The following PTPN18 variants were observed in gnomAD, a reference collection of about 807,000 sequenced individuals.
The protein encoded by PTPN18 is tyrosine-protein phosphatase non-receptor type 18.
PTPN18 carries 65 observed loss-of-function variants against 65.4 expected under a neutral mutation model. That is an observed-to-expected ratio of 0.99 (90% CI 0.81 to 1.22). The LOEUF (loss-of-function observed/expected upper bound fraction) is 1.22, where lower values mean the gene tolerates loss of function less well. Ranked by LOEUF, PTPN18 falls within the 50% of genes most tolerant of loss-of-function variation. The pLI is 0.00. For synonymous variants in PTPN18, 255 were observed against 267.8 expected (o/e 0.95, Z 0.47); for missense variants, 616 against 646.5 (o/e 0.95, Z 0.51).
At chr2:130,368,997 C>T (rs1033018012) in intron 5 of PTPN18, 136 bp from the exon 6 acceptor site, 8 of 638,914 alleles carry the variant, frequency 1.3e-5, no homozygotes, top group South Asian at 2.1e-5. Context: ...TGTTGGCTGG[C>T]GTCTGTTATA....
chr2:130,362,403 TTTC>T (rs1400223408), intron 5 of PTPN18: 3 of 256,124 alleles, frequency 1.2e-5, no homozygotes, highest in South Asian at 3.5e-5. Flanking sequence ...TGTTTGTTCT[TTTC>T]TTCTTTTTTT....
intron 1 of PTPN18, chr2:130,356,536 C>T: frequency 2.0e-6 from 1 of 505,740 alleles, no homozygotes; most frequent in South Asian, 1.6e-5. Context: ...GCGGGCGGCC[C>T]TGCTGCGCTG....
chr2:130,364,152 T>A (rs1680312595), intron 5 of PTPN18, among the ~76,000 whole-genome samples: 1 of 152,202 alleles, frequency 6.6e-6, no homozygotes, highest in Non-Finnish European at 1.5e-5. Flanking sequence ...GGATTAACCA[T>A]TCCTACTGTC....
Position 130,356,220 on chromosome 2 carries a change from C to T in PTPN18, c.93+20C>T. ...TTCAGCGTGAGTGGCACACGGGGTC[C>T]GCGAGCGGCGCGCCCCGGCCCTGGC... is the stretch of plus-strand genomic sequence containing the variant. On this transcript the variant is annotated intron_variant, in intron 1 of 14. Coordinates refer to ENST00000175756, the MANE Select transcript of PTPN18 (RefSeq NM_014369.4). 3 of 1,308,546 alleles carry T rather than the reference C, an allele frequency of 2.3e-6. No homozygotes were observed. Among genetic ancestry groups the T allele is most frequent in the South Asian group, 2.1e-5 (1 of 47,634 alleles). 81.1% of individuals were successfully genotyped at this position (1,308,546 alleles called of 1,614,324 possible).
At position 130,372,910 on chromosome 2, in the gene PTPN18, C is replaced by T. The variant is rs141618410; in HGVS notation, c.1278C>T (p.Tyr426=). ...ADQSPAGSGA[Y]EDVAGGAQTG... ...AAAGTCCTGCCGGATCTGGCGCCTA[C>T]GAGGACGTGGCGGGTGGAGCTCAGA... The change falls in exon 14 of 15, where the codon TAC becomes TAT. Residue 426 remains tyrosine, a synonymous_variant. Coordinates refer to ENST00000175756, the MANE Select transcript of PTPN18 (RefSeq NM_014369.4). 6.8e-6 allele frequency: 11 copies of T among 1,614,086 alleles called. No individual in the cohort carries two copies. The African/African-American group carries it at 1.2e-4, about 18-fold the overall frequency.
chr2:130,367,410 A>G (rs981059791), intron 5 of PTPN18, among the ~76,000 whole-genome samples: 1 of 152,118 alleles, frequency 6.6e-6, no homozygotes, highest in Admixed American at 6.5e-5. Flanking sequence ...GTGGTGGCTC[A>G]TGCCTGTAAT....
intron 5 of PTPN18, among the ~76,000 whole-genome samples, chr2:130,360,597 G>A (rs1332769002): frequency 6.6e-6 from 1 of 152,110 alleles, no homozygotes; most frequent in Non-Finnish European, 1.5e-5. Flanking sequence ...TTAGAACACA[G>A]CCACACTCAT....
At chr2:130,362,912 C>T (rs1378206658) in intron 5 of PTPN18, among the ~76,000 whole-genome samples, 1 of 152,010 alleles carries the variant, frequency 6.6e-6, no homozygotes, top group Non-Finnish European at 1.5e-5. Context: ...CTCCGCCTCC[C>T]GGGTCCACGC....
chr2:130,357,214 A>G (rs1680002378), intron 1 of PTPN18, among the ~76,000 whole-genome samples: 1 of 152,208 alleles, frequency 6.6e-6, no homozygotes, highest in South Asian at 2.1e-4. Context: ...CATCTCAAAC[A>G]AAACAAAACC....
Position 130,373,353 on chromosome 2 carries a change from A to G in PTPN18, c.*129A>G, listed in dbSNP as rs1201178633. On this transcript the variant is annotated 3_prime_UTR_variant, in exon 15 of 15. Coordinates refer to ENST00000175756, the MANE Select transcript of PTPN18 (RefSeq NM_014369.4). The surrounding 1 kb of genome is among the most constrained non-coding windows in gnomAD (Gnocchi z 4.1). ...AAGTTAAAGTTTCTCAGGGTGGGAA[A>G]TGTGGGGGCTTTGCCCCAATGACTG... The G allele has an allele frequency of 3.0e-5, 30 of 1,008,966 alleles. No individual in the cohort carries two copies. Among genetic ancestry groups the G allele is most frequent in the Non-Finnish European group, 4.1e-5 (29 of 710,822 alleles). 62.5% of individuals were successfully genotyped at this position (1,008,966 alleles called of 1,614,324 possible).
chr2:130,359,153 G>C, intron 2 of PTPN18, 80 bp from the exon 3 acceptor site: 1 of 1,560,860 alleles, frequency 6.4e-7, no homozygotes, highest in Non-Finnish European at 8.8e-7. Context: ...TCCCCTGCTG[G>C]CTTTCAGCTA....
rs371617685 is a variant in PTPN18 at position 130,358,096 on chromosome 2, C to T, written c.94-771C>T. Among the ~76,000 whole-genome samples the T allele has an allele frequency of 5.8e-4, 88 of 152,232 alleles. 2 individuals are homozygous for T. The South Asian group carries it at 0.017, about 30-fold the overall frequency. ...GCCTCACATGCGGAAGGCTGGGTGG[C>T]GAGGGCACCCCTGCTCCCCAAGCCT... is the stretch of plus-strand genomic sequence containing the variant. On this transcript the variant is annotated intron_variant, in intron 1 of 14. Transcript: ENST00000175756.
chr2:130,368,908 G>T, intron 5 of PTPN18: 1 of 439,636 alleles, frequency 2.3e-6, no homozygotes, highest in Non-Finnish European at 4.1e-6. Context: ...TACAGTGGGA[G>T]GGTATCCTGG....
chr2:130,362,448 A>G (rs546956730), intron 5 of PTPN18: 3 of 238,456 alleles, frequency 1.3e-5, no homozygotes, highest in African/African-American at 2.4e-5. Flanking sequence ...TTATTAATCT[A>G]TTGCATAGTA....
chr2:130,362,104 G>A, intron 5 of PTPN18: 2 of 469,920 alleles, frequency 4.3e-6, no homozygotes, highest in South Asian at 1.5e-5. Context: ...GAGGAGTTGG[G>A]ACTACAGGCA....
chr2:130,372,302 C>G lies in PTPN18; in HGVS notation c.1059C>G (p.Thr353=). 1 of 1,545,728 alleles carries G rather than the reference C, an allele frequency of 6.5e-7. No homozygotes were observed. Among genetic ancestry groups the G allele is most frequent in the Non-Finnish European group, 8.6e-7 (1 of 1,157,332 alleles). The change falls in exon 13 of 15, where the codon ACC becomes ACG. Residue 353 remains threonine (T), a synonymous_variant. Transcript: ENST00000175756. ...CCCCGGGCCACGCCATGGCTGACAC[C>G]TACGCGGTGGTGCAGAAGCGCGGGG... The part of the protein sequence containing the change: ...PGSPGHAMAD[T]YAVVQKRGAP...
At chr2:130,367,050 ATTTTTTTT>A (rs57039741) in intron 5 of PTPN18, among the ~76,000 whole-genome samples, 252 of 104,204 alleles carry the variant, frequency 2.4e-3, no homozygotes, top group Non-Finnish European at 3.9e-3. Flanking sequence ...GCTAATTTTA[ATTTTTTTT>A]TTTTTTTTTT....
At chr2:130,359,330 AG>A in intron 3 of PTPN18, 21 bp downstream of exon 3, 1 of 1,614,130 alleles carries the variant, frequency 6.2e-7, no homozygotes, top group Non-Finnish European at 8.5e-7. Context: ...GGGTCACGGA[AG>A]GAGGTGGACT....
chr2:130,356,757 C>T (rs1010893663), intron 1 of PTPN18: 2 of 400,850 alleles, frequency 5.0e-6, no homozygotes, highest in South Asian at 1.8e-5. Context: ...TCTACCTGGC[C>T]CCTCTGACCT....
Sources: allele counts gnomAD v4.1 joint callset (sites outside exome capture counted in the v4.1 genomes callset), GRCh38; gene constraint gnomAD v4.1.1; non-coding constraint Gnocchi (gnomAD v3.1); transcripts MANE v1.5; gene names NCBI Gene and HGNC (gene_info 2026-07-23, HGNC 2026-07-21).